PMFBP1: variants seen among roughly 807,000 people sequenced by gnomAD.
PMFBP1 encodes polyamine-modulated factor 1-binding protein 1.
PMFBP1 carries 131 observed loss-of-function variants against 137.8 expected under a neutral mutation model. The observed-to-expected ratio is 0.95, with a 90% CI of 0.82 to 1.10. PMFBP1 has a LOEUF of 1.10. Ranked by LOEUF, PMFBP1 falls within the 50% of genes least tolerant of loss-of-function variation. The pLI, the probability that PMFBP1 is intolerant of heterozygous loss-of-function variation, is 0.00. For missense variants in PMFBP1, 1,199 were observed against 1,175.4 expected (o/e 1.02, Z -0.29); for synonymous variants, 490 against 450.4 (o/e 1.09, Z -1.11).
chr16:72,169,333 A>G (rs1403181213), intron 2 of PMFBP1, among the ~76,000 whole-genome samples: 1 of 152,252 alleles, frequency 6.6e-6, no homozygotes, highest in Non-Finnish European at 1.5e-5. Context: ...GTGTAATAGT[A>G]GAGTTTACAG....
the PMFBP1 span, among the ~76,000 whole-genome samples, chr16:72,218,184 T>TA: frequency 6.6e-6 from 1 of 152,136 alleles, no homozygotes; most frequent in African/African-American, 2.4e-5. Context: ...TGACAATACT[T>TA]ACACTAAGCA....
the PMFBP1 span, among the ~76,000 whole-genome samples, chr16:72,240,591 AT>A: frequency 6.6e-6 from 1 of 151,984 alleles, no homozygotes; most frequent in Non-Finnish European, 1.5e-5. Flanking sequence ...TTAGGTTTTT[AT>A]TTTTTCATTG....
intron 7 of PMFBP1, among the ~76,000 whole-genome samples, chr16:72,139,057 T>C (rs1288618379): frequency 6.6e-6 from 1 of 152,224 alleles, no homozygotes; most frequent in Admixed American, 6.5e-5. Flanking sequence ...TGTTTAGGTG[T>C]ACTGTTAGAA....
At position 72,150,821 on chromosome 16, in the gene PMFBP1, G is replaced by C. The variant is rs761395383; in HGVS notation, c.423C>G (p.Leu141=). ...HCKLKEDEVI[L]YEEEMGNHNE... ...TGTGATTTCCCATTTCCTCCTCATA[G>C]AGAATCACCTGTAGGTGTAGGAATA... Residue 141 remains leucine, a synonymous_variant, in exon 5 of 21, where the codon CTC becomes CTG. Coordinates refer to ENST00000237353, the MANE Select transcript of PMFBP1 (RefSeq NM_031293.3). The C allele has an allele frequency of 6.2e-7, 1 of 1,613,244 alleles. No individual in the cohort carries two copies. Among genetic ancestry groups the C allele is most frequent in the African/African-American group, 1.3e-5 (1 of 75,008 alleles).
upstream of PMFBP1, among the ~76,000 whole-genome samples, chr16:72,173,558 A>C (rs2043239872): frequency 6.6e-6 from 1 of 152,260 alleles, no homozygotes; most frequent in Admixed American, 6.5e-5. Context: ...GGAAGAAAAA[A>C]AGAGAGCTGG....
At position 72,130,711 on chromosome 16, in the gene PMFBP1, C is replaced by G; in HGVS notation, c.1459G>C (p.Ala487Pro). The change falls in exon 11 of 21, where the codon GCC becomes CCC. Residue 487 changes from alanine (A) to proline (P), a missense_variant. Transcript: ENST00000237353. Reference sequence around the variant, plus strand: ...AGTGCAGCCTCTTCTTTGCACTGGGCTGCTTGCTGAGCTGCAGAAGCAGGG... The same window carrying G: ...AGTGCAGCCTCTTCTTTGCACTGGGGTGCTTGCTGAGCTGCAGAAGCAGGG... ...QQERLAAQQA[A>P]QCKEEAALAG... The G allele has an allele frequency of 6.2e-7, 1 of 1,610,872 alleles. No homozygotes were observed. The highest frequency in any genetic ancestry group is 8.5e-7 in the Non-Finnish European group (1 of 1,179,300).
chr16:72,213,220 T>C, the PMFBP1 span, among the ~76,000 whole-genome samples: 3 of 151,402 alleles, frequency 2.0e-5, no homozygotes, highest in Non-Finnish European at 4.4e-5. Context: ...GGAAAGGGTG[T>C]GGTAGGCATT....
chr16:72,203,877 C>A, the PMFBP1 span, among the ~76,000 whole-genome samples: 1 of 152,184 alleles, frequency 6.6e-6, no homozygotes, highest in Non-Finnish European at 1.5e-5. Flanking sequence ...GGACATTAAT[C>A]CCCCACTGCT....
At chr16:72,183,975 T>C in the PMFBP1 span, among the ~76,000 whole-genome samples, 1 of 152,204 alleles carries the variant, frequency 6.6e-6, no homozygotes, top group East Asian at 1.9e-4. Context: ...TGGTCCTTAT[T>C]GTATCTCACA....
the PMFBP1 span, among the ~76,000 whole-genome samples, chr16:72,190,789 TC>T: frequency 1.3e-3 from 205 of 152,288 alleles, no homozygotes; most frequent in African/African-American, 4.8e-3. Flanking sequence ...AATTATTATT[TC>T]TTTCAGGCAG....
chr16:72,162,414 A>G (rs529577483), intron 3 of PMFBP1, among the ~76,000 whole-genome samples: 6 of 152,366 alleles, frequency 3.9e-5, no homozygotes, highest in Non-Finnish European at 8.8e-5. Flanking sequence ...TTTGTTATAC[A>G]TAACAGCTAA....
the PMFBP1 span, among the ~76,000 whole-genome samples, chr16:72,227,932 G>A: frequency 6.6e-6 from 1 of 152,040 alleles, no homozygotes; most frequent in Admixed American, 6.6e-5. Context: ...GGACATTTAG[G>A]TTGTTTCCAG....
chr16:72,217,980 G>A, the PMFBP1 span, among the ~76,000 whole-genome samples: 4 of 152,206 alleles, frequency 2.6e-5, no homozygotes, highest in East Asian at 1.9e-4. Context: ...CTCCAAACAC[G>A]GGGTCAGGAA....
intron 5 of PMFBP1, among the ~76,000 whole-genome samples, chr16:72,149,606 C>T (rs3909542): frequency 0.58 from 87,627 of 151,908 alleles, 26,126 homozygotes; most frequent in African/African-American, 0.72. Context: ...GTGGATCACA[C>T]GAGGTCAGGC....
the PMFBP1 span, among the ~76,000 whole-genome samples, chr16:72,230,351 GA>G: frequency 6.6e-6 from 1 of 152,286 alleles, no homozygotes; most frequent in Admixed American, 6.5e-5. Context: ...CATTTAAAGG[GA>G]AATTGAATAG....
At chr16:72,161,541 C>T (rs1277049895) in intron 3 of PMFBP1, among the ~76,000 whole-genome samples, 8 of 152,052 alleles carry the variant, frequency 5.3e-5, no homozygotes, top group Non-Finnish European at 1.2e-4. Context: ...CTAGTGACTT[C>T]TGCTTGCCTG....
At chr16:72,229,254 G>C in the PMFBP1 span, among the ~76,000 whole-genome samples, 1 of 152,206 alleles carries the variant, frequency 6.6e-6, no homozygotes, top group Non-Finnish European at 1.5e-5. Context: ...CCAGTCCACT[G>C]TTGATGGGCA....
At chr16:72,120,673 C>T (rs909172787) in intron 19 of PMFBP1, among the ~76,000 whole-genome samples, 8 of 152,164 alleles carry the variant, frequency 5.3e-5, no homozygotes, top group African/African-American at 1.9e-4. Flanking sequence ...GATAATTTAG[C>T]GCATTCCCCG....
chr16:72,148,376 G>C (rs973852756), intron 5 of PMFBP1, among the ~76,000 whole-genome samples: 1 of 151,374 alleles, frequency 6.6e-6, no homozygotes, highest in Non-Finnish European at 1.5e-5. Context: ...GTCGGGGGGT[G>C]GGGGGCTGGA....
Sources: gnomAD v4.1 joint callset for allele counts (sites outside exome capture counted in the v4.1 genomes callset) on GRCh38, gnomAD v4.1.1 for gene constraint, MANE v1.5 for transcripts, NCBI Gene and HGNC (gene_info 2026-07-23, HGNC 2026-07-21) for gene names.